ZNF577: variants seen among roughly 807,000 people sequenced by gnomAD.
ZNF577 encodes zinc finger protein 577.
A neutral mutation model predicts 13.9 loss-of-function variants in ZNF577; 14 were observed. The ratio of observed to expected loss-of-function variants is 1.00; its 90% CI spans 0.66 to 1.57. ZNF577 has a LOEUF of 1.57. Among genes scored for constraint, ZNF577 ranks in the 40% most tolerant of loss-of-function variants. The pLI is 0.00. For missense variants in ZNF577, 555 were observed against 579.2 expected (o/e 0.96, Z 0.43); for synonymous variants, 203 against 202.9 (o/e 1.00, Z 0.00).
At chr19:51,804,715 T>C (rs181202352), downstream of ZNF577, 1 of 152,234 alleles carries the variant, frequency 6.6e-6, no homozygotes, top group East Asian at 1.9e-4. Context: ...CCCGATTCTG[T>C]GGCTGTTCGG....
At position 51,834,703 on chromosome 19, in the gene ZNF577, A is replaced by C. The variant is rs147357131; in HGVS notation, c.*599+5190T>G. Among the ~76,000 whole-genome samples the C allele has an allele frequency of 9.5e-3, 1,448 of 151,838 alleles. 15 individuals carry two copies. The highest frequency in any genetic ancestry group is 0.018 in the Admixed American group (268 of 15,242). On this transcript the variant is annotated intron_variant and NMD_transcript_variant, in intron 9 of 10. Coordinates refer to the ZNF577 transcript ENST00000638827. ...AGTGTGCACACGATTTTTTTTTTTAAGACAGGGTCTTGCTCTGTCACTCAA... is the reference window on the plus strand; with the variant it reads ...AGTGTGCACACGATTTTTTTTTTTACGACAGGGTCTTGCTCTGTCACTCAA...
At position 51,868,466 on chromosome 19, in the gene ZNF577, T is replaced by C. The variant is rs1433263414; in HGVS notation, c.*4066A>G. ...AAACATGTCCCACACAACAATGGGA[T>C]TCTGTAGGACTGCTTCCCACCTCAG... On this transcript the variant is annotated 3_prime_UTR_variant, in exon 6 of 6. Transcript: ENST00000638348. Among the ~76,000 whole-genome samples, 1 of 152,090 alleles carries C rather than the reference T, an allele frequency of 6.6e-6. No individual in the cohort carries two copies. The highest frequency in any genetic ancestry group is 1.5e-5 in the Non-Finnish European group (1 of 68,012).
In ZNF577 at chr19:51,873,185, G is replaced by T. The variant is rs746694418; in HGVS notation, c.805C>A (p.Leu269Ile). The T allele has an allele frequency of 1.2e-6, 2 of 1,614,120 alleles. No individual in the cohort carries two copies. The highest frequency in any genetic ancestry group is 1.7e-6 in the Non-Finnish European group (2 of 1,180,018). Residue 269 changes from leucine (L) to isoleucine (I), a missense_variant, in exon 6 of 6, where the codon CTC (leucine) becomes ATC (isoleucine). Transcript: ENST00000638348. The stretch of plus-strand genomic sequence containing the variant: ...TTCCCACACACACTGCACCCATAGA[G>T]TTTCTCTCCAGTATGTGATCGCTGA... ...RHQRSHTGEKLYGCSVCGKAF... is the reference protein window; with the variant it reads ...RHQRSHTGEKIYGCSVCGKAF...
In ZNF577 at chr19:51,873,177, C is replaced by G. The variant is rs1195076637; in HGVS notation, c.813G>C (p.Gly271=). The change falls in exon 6 of 6, where the codon GGG becomes GGC. Residue 271 remains glycine, a synonymous_variant. Coordinates refer to ENST00000638348, the MANE Select transcript of ZNF577 (RefSeq NM_001370449.1). The part of the protein sequence containing the change: ...QRSHTGEKLY[G]CSVCGKAFSQ... ...AAAAGGCTTTCCCACACACACTGCACCCATAGAGTTTCTCTCCAGTATGTG... is the reference window on the plus strand; with the variant it reads ...AAAAGGCTTTCCCACACACACTGCAGCCATAGAGTTTCTCTCCAGTATGTG... The G allele has an allele frequency of 1.9e-6, 3 of 1,614,010 alleles. No homozygotes were observed. Among genetic ancestry groups the G allele is most frequent in the Non-Finnish European group, 2.5e-6 (3 of 1,179,998 alleles).
At position 51,867,710 on chromosome 19, in the gene ZNF577, G is replaced by A. The variant is rs140734494; in HGVS notation, c.*4822C>T. Among the ~76,000 whole-genome samples, 85 of 152,034 alleles carry A rather than the reference G, an allele frequency of 5.6e-4. No individual in the cohort carries two copies. The highest frequency in any genetic ancestry group is 9.7e-4 in the Non-Finnish European group (66 of 67,988). On this transcript the variant is annotated 3_prime_UTR_variant, in exon 6 of 6. Transcript: ENST00000638348. ...TGAGGCAGGACAATCACTTGAAACC[G>A]GAAGGTGGAGGTTGCAGTGACCCAC...
downstream of ZNF577, among the ~76,000 whole-genome samples, chr19:51,865,888 G>A (rs760567009): frequency 2.2e-4 from 33 of 152,010 alleles, no homozygotes; most frequent in African/African-American, 4.6e-4. Flanking sequence ...AGGCTGAGGC[G>A]GGCAGATCAT....
At chr19:51,841,912 C>T (rs1312334699) in intron 8 of ZNF577, among the ~76,000 whole-genome samples, 2 of 152,038 alleles carry the variant, frequency 1.3e-5, no homozygotes, top group East Asian at 3.9e-4. Context: ...ATGAATTCTA[C>T]CATTATCATG....
intron 10 of ZNF577, among the ~76,000 whole-genome samples, chr19:51,806,203 G>A (rs1426703666): frequency 1.3e-5 from 2 of 152,052 alleles, no homozygotes; most frequent in East Asian, 1.9e-4. Context: ...GGCTCGTACC[G>A]GAGGGACTGG....
At chr19:51,835,799 TCTC>T (rs1369340486) in intron 9 of ZNF577, among the ~76,000 whole-genome samples, 1 of 152,150 alleles carries the variant, frequency 6.6e-6, no homozygotes, top group Non-Finnish European at 1.5e-5. Context: ...TTCAAGCAAT[TCTC>T]CTGTCTCAGC....
intron 9 of ZNF577, among the ~76,000 whole-genome samples, chr19:51,828,433 G>C (rs994985884): frequency 6.6e-6 from 1 of 152,046 alleles, no homozygotes; most frequent in African/African-American, 2.4e-5. Flanking sequence ...AACCTAGATA[G>C]GAGAGCCAGG....
At chr19:51,881,586 T>C (rs546428490) in intron 1 of ZNF577, among the ~76,000 whole-genome samples, 26 of 152,296 alleles carry the variant, frequency 1.7e-4, no homozygotes, top group Non-Finnish European at 3.1e-4. Context: ...AATCTACATC[T>C]GGGGTCTCTC....
chr19:51,882,332 T>C (rs990445065), intron 1 of ZNF577, among the ~76,000 whole-genome samples: 1 of 148,678 alleles, frequency 6.7e-6, no homozygotes, highest in Non-Finnish European at 1.5e-5. Context: ...AGAAGGGCAA[T>C]GATACCACCC....
rs1025249456 is a variant in ZNF577, at chr19:51,871,318, T to A, written c.*1214A>T. The A allele has an allele frequency of 1.3e-5, 2 of 151,650 alleles. No homozygotes were observed. Among genetic ancestry groups the A allele is most frequent in the Admixed American group, 6.6e-5 (1 of 15,208 alleles). 9.4% of individuals were successfully genotyped at this position (151,650 alleles called of 1,614,324 possible). On this transcript the variant is annotated 3_prime_UTR_variant, in exon 6 of 6. Transcript: ENST00000638348. ...TTTTTTTGTAGAGGTAGTCTCGCTA[T>A]GTTGCCCAGGGTGGTCTCAAACTTG...
rs1235306897 is a variant in ZNF577 at position 51,869,453 on chromosome 19, T to C, written c.*3079A>G. Among the ~76,000 whole-genome samples the C allele has an allele frequency of 6.6e-6, 1 of 152,070 alleles. No individual in the cohort carries two copies. Among genetic ancestry groups the C allele is most frequent in the African/African-American group, 2.4e-5 (1 of 41,406 alleles). On this transcript the variant is annotated 3_prime_UTR_variant, in exon 6 of 6. Transcript: ENST00000638348. ...TCGCTCATGTTTCCTGCTGACCCTCTCCCCACCATTACCCTATAGTCCTGC... is the reference window on the plus strand; with the variant it reads ...TCGCTCATGTTTCCTGCTGACCCTCCCCCCACCATTACCCTATAGTCCTGC...
chr19:51,877,632 A>G, intron 4 of ZNF577: 1 of 337,496 alleles, frequency 3.0e-6, no homozygotes, highest in Non-Finnish European at 5.4e-6. Context: ...GTTGGCAAAG[A>G]TGTGGAGAAA....
chr19:51,875,503 G>A (rs1014860370), intron 5 of ZNF577, among the ~76,000 whole-genome samples: 1 of 152,158 alleles, frequency 6.6e-6, no homozygotes, highest in African/African-American at 2.4e-5. Flanking sequence ...CAAATGCACA[G>A]ATGTCAGTCC....
chr19:51,838,817 T>A (rs1467949266), intron 9 of ZNF577, among the ~76,000 whole-genome samples: 1 of 151,932 alleles, frequency 6.6e-6, no homozygotes, highest in African/African-American at 2.4e-5. Flanking sequence ...GTTTTTTATT[T>A]ACAAGCATGT....
intron 5 of ZNF577, among the ~76,000 whole-genome samples, chr19:51,850,007 A>G (rs894372834): frequency 6.6e-6 from 1 of 152,250 alleles, no homozygotes; most frequent in African/African-American, 2.4e-5. Context: ...TATGGAAAAG[A>G]CAAAATTAGA....
At chr19:51,806,691 T>C (rs573743731) in intron 10 of ZNF577, among the ~76,000 whole-genome samples, 29 of 152,372 alleles carry the variant, frequency 1.9e-4, no homozygotes, top group Non-Finnish European at 3.8e-4. Context: ...CCATTGTCAA[T>C]TTTTAATTGT....
Sources: gnomAD v4.1 joint callset for allele counts (sites outside exome capture counted in the v4.1 genomes callset) on GRCh38, gnomAD v4.1.1 for gene constraint, MANE v1.5 for transcripts, NCBI Gene and HGNC (gene_info 2026-07-23, HGNC 2026-07-21) for gene names.